Variants in RGL1 observed in about 807,000 individuals in gnomAD.
The protein encoded by RGL1 is ral guanine nucleotide dissociation stimulator-like 1.
In RGL1, 24 loss-of-function variants were observed where a neutral mutation model predicts 95.2. The observed-to-expected ratio is 0.25, with a 90% confidence interval of 0.18 to 0.35. RGL1 has a LOEUF of 0.35. RGL1 is among the 10% of genes least tolerant of loss of function. The pLI is 1.00. For synonymous variants in RGL1, 329 were observed against 344.9 expected, an observed-to-expected ratio of 0.95 and a Z score of 0.51; for missense variants, 715 against 936.3, an observed-to-expected ratio of 0.76 and a Z score of 3.08.
chr1:183,746,649 T>C (rs550539445), intron 2 of RGL1, among the ~76,000 whole-genome samples: 15 of 150,418 alleles, frequency 1.0e-4, no homozygotes, highest in South Asian at 2.1e-4. Context: ...AGTTTTCTTA[T>C]ATATTTTTTT....
At chr1:183,839,241 C>G (rs1248623893) in intron 2 of RGL1, among the ~76,000 whole-genome samples, 1 of 152,132 alleles carries the variant, frequency 6.6e-6, no homozygotes, top group Non-Finnish European at 1.5e-5. Context: ...AGACCCTTCT[C>G]CCAACTTTTA....
At chr1:183,778,029 C>T (rs1235836566) in intron 2 of RGL1, among the ~76,000 whole-genome samples, 1 of 152,070 alleles carries the variant, frequency 6.6e-6, no homozygotes, top group South Asian at 2.1e-4. Context: ...AGCTGCAGCT[C>T]GGGGTAGCAT....
chr1:183,747,480 G>A (rs1657715959), intron 2 of RGL1, among the ~76,000 whole-genome samples: 1 of 152,090 alleles, frequency 6.6e-6, no homozygotes, highest in Admixed American at 6.6e-5. Flanking sequence ...TTTTTGATGG[G>A]GTTGTTTGTT....
chr1:183,916,554 C>G lies in RGL1; in HGVS notation c.1857C>G (p.Asn619Lys), dbSNP rs753420643. 1.2e-6 allele frequency: 2 copies of G among 1,613,796 alleles called. No individual in the cohort carries two copies. Among genetic ancestry groups the G allele is most frequent in the African/African-American group, 1.3e-5 (1 of 74,798 alleles). Residue 619 changes from asparagine to lysine, a missense_variant, in exon 16 of 18, where the codon AAC becomes AAG. By Grantham distance (94) the Asn-to-Lys change is moderately conservative. Coordinates refer to ENST00000360851, the MANE Select transcript of RGL1 (RefSeq NM_001297671.3). Reference protein sequence around the residue: ...NPLSSPPSCNNNPKIHKRSVS... With the variant: ...NPLSSPPSCNKNPKIHKRSVS... ...TCTCCTCCCCTCCGTCCTGCAACAA[C>G]AACCCCAAAATCCACAAGCGCTCTG...
intron 1 of RGL1, among the ~76,000 whole-genome samples, chr1:183,686,173 T>C (rs1393857547): frequency 6.6e-6 from 1 of 152,190 alleles, no homozygotes; most frequent in Non-Finnish European, 1.5e-5. Context: ...TTCCTCTTTA[T>C]TTTATTGCCC....
chr1:183,906,535 A>G lies in RGL1; in HGVS notation c.1473-477A>G, dbSNP rs141793468. ...AATTGCCTATGTCTGTTCATTGACG[A>G]TCAGATAGATTACAAAAGTCTCTTC... On this transcript the variant is annotated intron_variant, in intron 13 of 17. Transcript: ENST00000360851. Among the ~76,000 whole-genome samples, 1,093 of 152,278 alleles carry G rather than the reference A, an allele frequency of 7.2e-3. 16 individuals are homozygous for G. The highest frequency in any genetic ancestry group is 0.024 in the African/African-American group (1,015 of 41,556).
chr1:183,847,830 G>A (rs1390030125), intron 3 of RGL1, 56 bp downstream of exon 3: 2 of 1,383,362 alleles, frequency 1.4e-6, no homozygotes, highest in African/African-American at 2.9e-5. Context: ...TTATGGAGTG[G>A]AGCACGAGGT....
At chr1:183,728,775 G>A (rs796882437) in intron 1 of RGL1, among the ~76,000 whole-genome samples, 5 of 152,260 alleles carry the variant, frequency 3.3e-5, no homozygotes, top group African/African-American at 1.2e-4. Flanking sequence ...TGTGTTATTG[G>A]CATAGTTTTG....
At chr1:183,892,997 T>C (rs943286293) in intron 9 of RGL1, among the ~76,000 whole-genome samples, 1 of 152,212 alleles carries the variant, frequency 6.6e-6, no homozygotes, top group Non-Finnish European at 1.5e-5. Context: ...AAAATATGAA[T>C]GTAATGTGGT....
At chr1:183,665,598 T>C (rs577194212) in intron 1 of RGL1, among the ~76,000 whole-genome samples, 5 of 152,348 alleles carry the variant, frequency 3.3e-5, no homozygotes, top group African/African-American at 9.6e-5. Context: ...ATTTATCTTA[T>C]GTAAGCTTTG....
chr1:183,731,087 G>A (rs1455703784), intron 1 of RGL1, among the ~76,000 whole-genome samples: 1 of 152,128 alleles, frequency 6.6e-6, no homozygotes, highest in African/African-American at 2.4e-5. Flanking sequence ...CAGAAACAAT[G>A]TCAACCAAAA....
chr1:183,654,124 G>T (rs1009150904), intron 1 of RGL1, among the ~76,000 whole-genome samples: 1 of 152,196 alleles, frequency 6.6e-6, no homozygotes, highest in Non-Finnish European at 1.5e-5. Flanking sequence ...CGCCACGCCT[G>T]TTTCCACTGT....
chr1:183,640,260 A>G (rs1649836017), intron 1 of RGL1, among the ~76,000 whole-genome samples: 1 of 152,204 alleles, frequency 6.6e-6, no homozygotes, highest in Admixed American at 6.5e-5. Flanking sequence ...GTTACTGGGC[A>G]GGTATTGTTT....
At chr1:183,718,966 A>C (rs1655816066) in intron 1 of RGL1, among the ~76,000 whole-genome samples, 1 of 152,132 alleles carries the variant, frequency 6.6e-6, no homozygotes, top group Non-Finnish European at 1.5e-5. Flanking sequence ...AAAAGCACCT[A>C]AGAAGGAGGA....
chr1:183,785,773 G>C (rs1007728172), intron 2 of RGL1, among the ~76,000 whole-genome samples: 1 of 152,168 alleles, frequency 6.6e-6, no homozygotes, highest in South Asian at 2.1e-4. Flanking sequence ...TCTAATTACT[G>C]GTTGGGTATC....
chr1:183,808,847 C>A (rs1661514281), intron 2 of RGL1, among the ~76,000 whole-genome samples: 1 of 151,890 alleles, frequency 6.6e-6, no homozygotes, highest in Non-Finnish European at 1.5e-5. Flanking sequence ...GTGGTAAACA[C>A]CAGATTCAAA....
intron 5 of RGL1, among the ~76,000 whole-genome samples, chr1:183,881,114 G>A (rs1186934569): frequency 6.6e-6 from 1 of 152,180 alleles, no homozygotes; most frequent in African/African-American, 2.4e-5. Context: ...TTACCAAGAA[G>A]AGGGTCTCCT....
At chr1:183,726,791 T>C (rs1290172320) in intron 1 of RGL1, among the ~76,000 whole-genome samples, 1 of 152,142 alleles carries the variant, frequency 6.6e-6, no homozygotes, top group African/African-American at 2.4e-5. Flanking sequence ...ATTTTTGATT[T>C]TGGAATGCTT....
intron 2 of RGL1, among the ~76,000 whole-genome samples, chr1:183,844,610 G>C (rs1664294628): frequency 6.6e-6 from 1 of 152,154 alleles, no homozygotes; most frequent in Admixed American, 6.5e-5. Flanking sequence ...CACACTTCAA[G>C]CAACAGTGAA....
Sources: allele counts gnomAD v4.1 joint callset (sites outside exome capture counted in the v4.1 genomes callset), GRCh38; gene constraint gnomAD v4.1.1; transcripts MANE v1.5; gene names NCBI Gene and HGNC (gene_info 2026-07-23, HGNC 2026-07-21).